The following GREB1L variants were observed in gnomAD, a reference collection of about 807,000 sequenced individuals.
The protein encoded by GREB1L is GREB1 like retinoic acid receptor coactivator.
A neutral mutation model predicts 200.8 loss-of-function variants in GREB1L; 17 were observed. The observed-to-expected ratio is 0.08, with a 90% CI of 0.06 to 0.13. The LOEUF (loss-of-function observed/expected upper bound fraction) is 0.13. Among genes scored for constraint, GREB1L ranks in the 10% least tolerant of loss-of-function variants. GREB1L has a pLI of 1.00. For missense variants in GREB1L, 1,657 were observed against 2,367.7 expected, an observed-to-expected ratio of 0.70 and a Z score of 6.23; for synonymous variants, 789 against 893.0, an observed-to-expected ratio of 0.88 and a Z score of 2.08.
intron 1 of GREB1L, among the ~76,000 whole-genome samples, chr18:21,333,231 CACTGGGTTCATTTATTATA>C (rs1360881100): frequency 2.6e-5 from 4 of 152,246 alleles, no homozygotes; most frequent in East Asian, 3.9e-4. Flanking sequence ...CACTCGCATG[CACTGGGTTCATTTATTATA>C]ACTGGGTTCA....
intron 4 of GREB1L, among the ~76,000 whole-genome samples, chr18:21,391,041 T>C (rs2040780234): frequency 6.6e-6 from 1 of 152,200 alleles, no homozygotes; most frequent in Non-Finnish European, 1.5e-5. Flanking sequence ...GGTTAATTTA[T>C]TATTGAAGAA....
intron 1 of GREB1L, among the ~76,000 whole-genome samples, chr18:21,251,429 A>G (rs1247091063): frequency 6.6e-6 from 1 of 152,206 alleles, no homozygotes; most frequent in Non-Finnish European, 1.5e-5. Context: ...TTATTATACA[A>G]TATCCTATAA....
intron 23 of GREB1L, among the ~76,000 whole-genome samples, chr18:21,503,937 T>TTTTA (rs1019217327): frequency 7.3e-5 from 11 of 151,516 alleles, no homozygotes; most frequent in Non-Finnish European, 1.3e-4. Context: ...AGGCACTTTA[T>TTTTA]TTTATTTATT....
chr18:21,378,445 C>G (rs1311420730), intron 2 of GREB1L, among the ~76,000 whole-genome samples: 2 of 151,800 alleles, frequency 1.3e-5, no homozygotes, highest in Non-Finnish European at 2.9e-5. Flanking sequence ...TGGAGTGCAG[C>G]AGCGCCATCT....
chr18:21,445,615 ATAACTT>A (rs1331941236), intron 11 of GREB1L, among the ~76,000 whole-genome samples: 2 of 152,262 alleles, frequency 1.3e-5, no homozygotes, highest in African/African-American at 4.8e-5. Context: ...ACTGGACTAA[ATAACTT>A]TAAAAGAAAG....
At position 21,439,648 on chromosome 18, in the gene GREB1L, T is replaced by C. The variant is rs2033781720; in HGVS notation, c.949+11T>C. ...CATCAGGAGATCAAGGTACAATGCCTGTCGTAGAGTTTTGTAATAATGCAC... is the reference window on the plus strand; with the variant it reads ...CATCAGGAGATCAAGGTACAATGCCCGTCGTAGAGTTTTGTAATAATGCAC... On this transcript the variant is annotated intron_variant, in intron 8 of 32. Coordinates refer to ENST00000424526, the MANE Select transcript of GREB1L (RefSeq NM_001142966.3). 2 of 1,474,136 alleles carry C rather than the reference T, an allele frequency of 1.4e-6. No individual in the cohort carries two copies. Among genetic ancestry groups the C allele is most frequent in the South Asian group, 1.2e-5 (1 of 82,544 alleles). 91.3% of individuals were successfully genotyped at this position (1,474,136 alleles called of 1,614,324 possible).
intron 4 of GREB1L, among the ~76,000 whole-genome samples, chr18:21,392,190 G>C (rs1406594044): frequency 6.6e-6 from 1 of 152,204 alleles, no homozygotes; most frequent in Non-Finnish European, 1.5e-5. Flanking sequence ...TACCAGTCTT[G>C]AGTGTTGAGT....
rs1039518410 is a variant in GREB1L at position 21,439,514 on chromosome 18, T to G, written c.833-7T>G. 6.6e-7 allele frequency: 1 copy of G among 1,508,910 alleles called. No homozygotes were observed. Among genetic ancestry groups the G allele is most frequent in the Non-Finnish European group, 9.0e-7 (1 of 1,107,866 alleles). The allele number at this position is 1,508,910 out of a possible 1,614,324, so 93.5% of individuals were successfully genotyped here. On this transcript the variant is annotated splice_region_variant and splice_polypyrimidine_tract_variant and intron_variant, in intron 7 of 32. Coordinates refer to ENST00000424526, the MANE Select transcript of GREB1L (RefSeq NM_001142966.3). ...GTTCTGAGCACTCCTCTCCTTGTGT[T>G]CTACAGATGCTGCTAATGGAAACAG...
rs954005555 is a variant in GREB1L, at chr18:21,500,135, C to G, written c.3798C>G (p.Ser1266Arg). The G allele has an allele frequency of 1.1e-5, 17 of 1,551,516 alleles. No individual in the cohort carries two copies. The East Asian group carries it at 2.2e-4, about 20-fold the overall frequency. ...LLPHADVAWV[S>R]SLRPLLNKDM... ...CCCACGCCGACGTGGCCTGGGTGAGCTCCCTGCGGCCACTCCTGAACAAGG... is the reference window on the plus strand; with the variant it reads ...CCCACGCCGACGTGGCCTGGGTGAGGTCCCTGCGGCCACTCCTGAACAAGG... Residue 1266 changes from serine (S) to arginine (R), a missense_variant, in exon 22 of 33, where the codon AGC becomes AGG. Coordinates refer to ENST00000424526, the MANE Select transcript of GREB1L (RefSeq NM_001142966.3).
At chr18:21,274,619 C>T (rs2038132103) in intron 1 of GREB1L, among the ~76,000 whole-genome samples, 1 of 152,062 alleles carries the variant, frequency 6.6e-6, no homozygotes, top group Admixed American at 6.6e-5. Context: ...ACCGGCTAGG[C>T]ACAATGACAC....
At chr18:21,487,380 A>G (rs2036166323) in intron 18 of GREB1L, among the ~76,000 whole-genome samples, 1 of 152,230 alleles carries the variant, frequency 6.6e-6, no homozygotes, top group African/African-American at 2.4e-5. Flanking sequence ...TATCAAAGTT[A>G]CCATTTATTC....
intron 1 of GREB1L, among the ~76,000 whole-genome samples, chr18:21,340,352 G>A (rs1289128718): frequency 3.3e-5 from 5 of 151,778 alleles, no homozygotes; most frequent in Admixed American, 6.6e-5. Context: ...CCCTGGAGGT[G>A]GAGCTTGCAG....
At chr18:21,492,703 G>A (rs2036389276) in intron 19 of GREB1L, among the ~76,000 whole-genome samples, 2 of 152,192 alleles carry the variant, frequency 1.3e-5, no homozygotes, top group South Asian at 2.1e-4. Context: ...TGCCCTAAAC[G>A]AAGGGGGCCT....
At chr18:21,485,383 AGT>A in intron 17 of GREB1L, 1 of 390,596 alleles carries the variant, frequency 2.6e-6, no homozygotes. Flanking sequence ...GCCTGAAGGA[AGT>A]GTGTCAACTT....
intron 1 of GREB1L, among the ~76,000 whole-genome samples, chr18:21,269,712 C>G (rs193162323): frequency 1.5e-3 from 234 of 152,204 alleles, no homozygotes; most frequent in African/African-American, 5.3e-3. Context: ...ATTTTTAACT[C>G]ACTTAAAAGA....
intron 1 of GREB1L, among the ~76,000 whole-genome samples, chr18:21,306,292 G>C (rs2038698850): frequency 6.6e-6 from 1 of 152,178 alleles, no homozygotes; most frequent in South Asian, 2.1e-4. Flanking sequence ...ATCACTAAAG[G>C]TAAGTATAGG....
chr18:21,398,726 A>C (rs987402671), intron 5 of GREB1L, among the ~76,000 whole-genome samples: 2 of 152,180 alleles, frequency 1.3e-5, no homozygotes, highest in Non-Finnish European at 1.5e-5. Flanking sequence ...ATTTGTCTAA[A>C]TTTTTATATA....
intron 15 of GREB1L, among the ~76,000 whole-genome samples, chr18:21,470,405 T>C (rs960860063): frequency 6.6e-6 from 1 of 152,186 alleles, no homozygotes; most frequent in African/African-American, 2.4e-5. Context: ...ATTTTTAACA[T>C]AATTAATAGT....
At chr18:21,417,334 C>T (rs138487969) in intron 7 of GREB1L, among the ~76,000 whole-genome samples, 1,563 of 151,664 alleles carry the variant, frequency 0.01, 28 homozygotes, top group African/African-American at 0.035. Flanking sequence ...CCAGGCTGGC[C>T]GACATGGTGA....
Sources: allele counts gnomAD v4.1 joint callset (sites outside exome capture counted in the v4.1 genomes callset), GRCh38; gene constraint gnomAD v4.1.1; transcripts MANE v1.5; gene names NCBI Gene and HGNC (gene_info 2026-07-23, HGNC 2026-07-21).